HCN1: variants seen among roughly 807,000 people sequenced by gnomAD.
The protein encoded by HCN1 is potassium/sodium hyperpolarization-activated cyclic nucleotide-gated channel 1.
A neutral mutation model predicts 78.9 loss-of-function variants in HCN1; 13 were observed. The ratio of observed to expected loss-of-function variants is 0.16; its 90% confidence interval spans 0.11 to 0.26. The LOEUF is 0.26. Among genes scored for constraint, HCN1 ranks in the 10% least tolerant of loss-of-function variants. The pLI, the probability that HCN1 is intolerant of heterozygous loss-of-function variation, is 1.00. For synonymous variants in HCN1, 552 were observed against 455.5 expected, an observed-to-expected ratio of 1.21 and a Z score of -2.70; for missense variants, 810 against 1,154.3, an observed-to-expected ratio of 0.70 and a Z score of 4.32.
At chr5:45,560,124 G>T (rs1371563766) in intron 2 of HCN1, 1 of 152,040 alleles carries the variant, frequency 6.6e-6, no homozygotes, top group African/African-American at 2.4e-5. Context: ...ATACCAAACT[G>T]ATACAAATTG....
chr5:45,402,580 C>T (rs1385651847), intron 3 of HCN1, among the ~76,000 whole-genome samples: 5 of 151,790 alleles, frequency 3.3e-5, no homozygotes, highest in African/African-American at 7.3e-5. Context: ...ATACAGAAGT[C>T]AGTATAAATG....
chr5:45,510,239 G>T (rs1742386551), intron 2 of HCN1, among the ~76,000 whole-genome samples: 1 of 152,006 alleles, frequency 6.6e-6, no homozygotes, highest in Admixed American at 6.6e-5. Context: ...CCCCCAAAAG[G>T]TAAGTGTTCA....
chr5:45,301,722 TAAAA>T (rs34604835), intron 6 of HCN1, among the ~76,000 whole-genome samples: 2 of 130,256 alleles, frequency 1.5e-5, no homozygotes, highest in East Asian at 2.2e-4. Context: ...CCCTGTCATT[TAAAA>T]AAAAAAAAAA....
intron 5 of HCN1, among the ~76,000 whole-genome samples, chr5:45,346,816 G>A (rs999785963): frequency 2.6e-5 from 4 of 152,220 alleles, no homozygotes; most frequent in Admixed American, 1.3e-4. Context: ...TGCGGGAGGG[G>A]CACCCTCCAT....
intron 2 of HCN1, among the ~76,000 whole-genome samples, chr5:45,595,817 T>C (rs1436176584): frequency 1.3e-5 from 2 of 152,034 alleles, no homozygotes; most frequent in Non-Finnish European, 2.9e-5. Context: ...CCCTGAATTA[T>C]GATGGTTCAA....
At chr5:45,347,540 G>T (rs1473286092) in intron 5 of HCN1, among the ~76,000 whole-genome samples, 4 of 152,212 alleles carry the variant, frequency 2.6e-5, no homozygotes, top group Non-Finnish European at 4.4e-5. Flanking sequence ...GTTGAGAGAA[G>T]AAGGCTTCAG....
At chr5:45,540,388 C>A (rs1345413979) in intron 2 of HCN1, among the ~76,000 whole-genome samples, 1 of 150,862 alleles carries the variant, frequency 6.6e-6, no homozygotes, top group African/African-American at 2.4e-5. Context: ...AGTGCAGTGG[C>A]ATGATCATGG....
chr5:45,292,822 C>A (rs1327189347), intron 6 of HCN1, among the ~76,000 whole-genome samples: 4 of 151,942 alleles, frequency 2.6e-5, no homozygotes, highest in Non-Finnish European at 5.9e-5. Context: ...TTCTTCTACC[C>A]ATCTACTCAT....
Position 45,281,311 on chromosome 5 carries a change from C to G in HCN1, c.1619-14058G>C, listed in dbSNP as rs996480819. Among the ~76,000 whole-genome samples, 3 of 151,888 alleles carry G rather than the reference C, an allele frequency of 2.0e-5. No homozygotes were observed. In the East Asian group the frequency reaches 5.8e-4, roughly 30 times the overall value. ...GTTTAAACGTGTGTATTACTTCCCC[C>G]TTCTCTCTCTCTCTCTCCTGCTCCA... On this transcript the variant is annotated intron_variant, in intron 6 of 7. Transcript: ENST00000303230.
chr5:45,296,146 T>A (rs1182338894), intron 6 of HCN1, among the ~76,000 whole-genome samples: 1 of 152,042 alleles, frequency 6.6e-6, no homozygotes, highest in Non-Finnish European at 1.5e-5. Context: ...TTTTACATAC[T>A]TTCTTACTCA....
chr5:45,458,503 A>G (rs562984179), intron 3 of HCN1, among the ~76,000 whole-genome samples: 20 of 152,226 alleles, frequency 1.3e-4, no homozygotes, highest in African/African-American at 4.8e-4. Flanking sequence ...ACATCTCACA[A>G]AAGATCAATC....
chr5:45,460,298 G>C (rs1226323166), intron 3 of HCN1, among the ~76,000 whole-genome samples: 1 of 152,104 alleles, frequency 6.6e-6, no homozygotes, highest in African/African-American at 2.4e-5. Flanking sequence ...CCATGTGAGG[G>C]ATAGATTTGT....
chr5:45,465,580 C>T (rs1430161551), intron 2 of HCN1, among the ~76,000 whole-genome samples: 1 of 151,862 alleles, frequency 6.6e-6, no homozygotes, highest in African/African-American at 2.4e-5. Flanking sequence ...TGTGGTGAAC[C>T]CTTGTCTCTA....
chr5:45,569,796 G>C (rs1311300429), intron 2 of HCN1, among the ~76,000 whole-genome samples: 2 of 151,856 alleles, frequency 1.3e-5, no homozygotes, highest in Non-Finnish European at 2.9e-5. Flanking sequence ...ATTTTTACAA[G>C]TAGATTATGT....
chr5:45,508,658 C>A (rs1017365365), intron 2 of HCN1, among the ~76,000 whole-genome samples: 1 of 152,102 alleles, frequency 6.6e-6, no homozygotes, highest in Non-Finnish European at 1.5e-5. Flanking sequence ...TCAAGCATCT[C>A]ATTTCAAGTC....
At chr5:45,488,261 A>C (rs1741809437) in intron 2 of HCN1, among the ~76,000 whole-genome samples, 1 of 152,098 alleles carries the variant, frequency 6.6e-6, no homozygotes, top group African/African-American at 2.4e-5. Flanking sequence ...ATTTCATGAA[A>C]TTATGTAATT....
chr5:45,550,552 G>T (rs563703974), intron 2 of HCN1, among the ~76,000 whole-genome samples: 1 of 151,616 alleles, frequency 6.6e-6, no homozygotes, highest in East Asian at 1.9e-4. Context: ...TGTAAATGAC[G>T]AGTTAATGGG....
chr5:45,376,349 T>TATAGAG (rs1198836343), intron 4 of HCN1, among the ~76,000 whole-genome samples: 1 of 109,494 alleles, frequency 9.1e-6, no homozygotes, highest in Non-Finnish European at 1.8e-5. Flanking sequence ...TATATATATA[T>TATAGAG]AGAGAGAGAG....
intron 5 of HCN1, among the ~76,000 whole-genome samples, chr5:45,330,988 T>G (rs1746332657): frequency 6.6e-6 from 1 of 151,268 alleles, no homozygotes; most frequent in Non-Finnish European, 1.5e-5. Flanking sequence ...CCACTTTTTG[T>G]TTTCCTTGAA....
Sources: allele counts gnomAD v4.1 joint callset (sites outside exome capture counted in the v4.1 genomes callset), GRCh38; gene constraint gnomAD v4.1.1; transcripts MANE v1.5; gene names NCBI Gene and HGNC (gene_info 2026-07-23, HGNC 2026-07-21).